Variants in CCDC85A observed in about 807,000 individuals in gnomAD.
CCDC85A encodes the protein coiled-coil domain containing 85A.
CCDC85A carries 38 observed loss-of-function variants against 50.2 expected under a neutral mutation model. The ratio of observed to expected loss-of-function variants is 0.76; its 90% CI spans 0.58 to 0.99. The LOEUF (loss-of-function observed/expected upper bound fraction) is 0.99. Ranked by LOEUF, CCDC85A falls within the 50% of genes least tolerant of loss-of-function variation. The pLI, the probability that CCDC85A is intolerant of heterozygous loss-of-function variation, is 0.00. For synonymous variants in CCDC85A, 366 were observed against 301.4 expected (o/e 1.21, Z -2.22); for missense variants, 820 against 742.0 (o/e 1.11, Z -1.22).
intron 2 of CCDC85A, among the ~76,000 whole-genome samples, chr2:56,332,069 A>G (rs1191021633): frequency 6.6e-6 from 1 of 151,998 alleles, no homozygotes; most frequent in Middle Eastern, 3.2e-3. Flanking sequence ...CTGGGGTGGG[A>G]TGGGAGGTGG....
chr2:56,376,988 A>G (rs1676366323), intron 5 of CCDC85A, among the ~76,000 whole-genome samples: 2 of 152,228 alleles, frequency 1.3e-5, no homozygotes, highest in South Asian at 4.1e-4. Context: ...GAACTTCAAA[A>G]TGTTTATTTC....
At chr2:56,355,520 A>G (rs2104355031) in intron 3 of CCDC85A, among the ~76,000 whole-genome samples, 1 of 152,230 alleles carries the variant, frequency 6.6e-6, no homozygotes, top group South Asian at 2.1e-4. Context: ...GACCAAAATA[A>G]TGAAGCCCTC....
At chr2:56,329,945 G>GTTTTTTT in intron 2 of CCDC85A, among the ~76,000 whole-genome samples, 2 of 44,162 alleles carry the variant, frequency 4.5e-5, no homozygotes, top group East Asian at 5.6e-4. Context: ...CAGATTTCCT[G>GTTTTTTT]TTTTTTTTTT....
At chr2:56,286,318 G>A (rs1016508144) in intron 2 of CCDC85A, among the ~76,000 whole-genome samples, 8 of 151,982 alleles carry the variant, frequency 5.3e-5, no homozygotes, top group African/African-American at 1.9e-4. Flanking sequence ...CTGTTCCATT[G>A]TCTCTTTTCT....
chr2:56,233,863 T>G (rs1323531539), intron 2 of CCDC85A, among the ~76,000 whole-genome samples: 1 of 152,198 alleles, frequency 6.6e-6, no homozygotes, highest in Non-Finnish European at 1.5e-5. Context: ...TGATTCCATT[T>G]TGTTGAGTCC....
chr2:56,189,297 G>GGTTTTTTTTT (rs1676192362), intron 1 of CCDC85A, among the ~76,000 whole-genome samples: 2 of 121,972 alleles, frequency 1.6e-5, no homozygotes, highest in South Asian at 2.6e-4. Context: ...TATTTTTGGT[G>GGTTTTTTTTT]TTTTTTTTTT....
At chr2:56,206,556 G>C (rs1418587985) in intron 2 of CCDC85A, among the ~76,000 whole-genome samples, 1 of 152,038 alleles carries the variant, frequency 6.6e-6, no homozygotes, top group African/African-American at 2.4e-5. Flanking sequence ...AGCAAGAGGG[G>C]GCCAAACTTG....
intron 2 of CCDC85A, among the ~76,000 whole-genome samples, chr2:56,201,545 C>T (rs1399311456): frequency 6.6e-6 from 1 of 152,066 alleles, no homozygotes; most frequent in Admixed American, 6.6e-5. Flanking sequence ...TAGGGAAACC[C>T]CTGATCTAGG....
chr2:56,340,770 G>A (rs1558649196), intron 2 of CCDC85A, among the ~76,000 whole-genome samples: 1 of 151,588 alleles, frequency 6.6e-6, no homozygotes, highest in Non-Finnish European at 1.5e-5. Context: ...CAACTGCTAG[G>A]GAGGCTGAGG....
intron 5 of CCDC85A, among the ~76,000 whole-genome samples, chr2:56,378,937 A>T (rs1441557588): frequency 1.3e-5 from 2 of 152,218 alleles, no homozygotes; most frequent in African/African-American, 4.8e-5. Flanking sequence ...TGATATAGAT[A>T]AAAACAACAA....
chr2:56,361,174 A>G (rs966699869), intron 3 of CCDC85A, among the ~76,000 whole-genome samples: 16 of 152,140 alleles, frequency 1.1e-4, no homozygotes, highest in Admixed American at 3.3e-4. Context: ...GAATGGCGCG[A>G]ACCCAGGAGG....
At chr2:56,298,124 A>G (rs1242491502) in intron 2 of CCDC85A, among the ~76,000 whole-genome samples, 1 of 152,238 alleles carries the variant, frequency 6.6e-6, no homozygotes, top group East Asian at 1.9e-4. Flanking sequence ...ATTCCATTTT[A>G]GTGTATGCAC....
intron 2 of CCDC85A, among the ~76,000 whole-genome samples, chr2:56,317,059 G>T (rs1292085991): frequency 1.3e-5 from 2 of 152,050 alleles, no homozygotes; most frequent in Non-Finnish European, 2.9e-5. Context: ...ATTAACTAAG[G>T]TTATCTCATG....
At chr2:56,207,361 C>T (rs1258601637) in intron 2 of CCDC85A, among the ~76,000 whole-genome samples, 1 of 152,278 alleles carries the variant, frequency 6.6e-6, no homozygotes, top group East Asian at 1.9e-4. Context: ...GCATACTCTA[C>T]ATTTGACTGG....
intron 2 of CCDC85A, among the ~76,000 whole-genome samples, chr2:56,201,081 C>T (rs201189420): frequency 5.0e-4 from 2 of 3,986 alleles, no homozygotes; most frequent in Admixed American, 4.6e-3. Flanking sequence ...TCTCTCCACA[C>T]ACACACACAC....
chr2:56,211,709 C>A (rs1426203448), intron 2 of CCDC85A, among the ~76,000 whole-genome samples: 1 of 152,008 alleles, frequency 6.6e-6, no homozygotes, highest in African/African-American at 2.4e-5. Flanking sequence ...AGAATGTCAA[C>A]AAATTTGGGC....
intron 2 of CCDC85A, among the ~76,000 whole-genome samples, chr2:56,250,886 T>C (rs555484034): frequency 6.6e-6 from 1 of 152,324 alleles, no homozygotes; most frequent in East Asian, 1.9e-4. Context: ...TGTCATCTTT[T>C]TTTTCTTTCT....
chr2:56,313,295 A>C (rs1391950647), intron 2 of CCDC85A, among the ~76,000 whole-genome samples: 3 of 152,164 alleles, frequency 2.0e-5, no homozygotes, highest in Admixed American at 6.6e-5. Context: ...ACTAGCCTGC[A>C]AATCTCATGT....
At chr2:56,247,832 T>C (rs1669579064) in intron 2 of CCDC85A, among the ~76,000 whole-genome samples, 1 of 152,228 alleles carries the variant, frequency 6.6e-6, no homozygotes, top group Non-Finnish European at 1.5e-5. Flanking sequence ...AAGAAAAGAA[T>C]ACATTGATTC....
Sources: gnomAD v4.1 joint callset for allele counts (sites outside exome capture counted in the v4.1 genomes callset) on GRCh38, gnomAD v4.1.1 for gene constraint, MANE v1.5 for transcripts, NCBI Gene and HGNC (gene_info 2026-07-23, HGNC 2026-07-21) for gene names.